The following ALDH1A2 variants were observed in gnomAD, a reference collection of about 807,000 sequenced individuals.
ALDH1A2 encodes retinal dehydrogenase 2.
In ALDH1A2, 27 loss-of-function variants were observed where a neutral mutation model predicts 60.3. That is an observed-to-expected ratio of 0.45 (90% confidence interval 0.33 to 0.62). The LOEUF (loss-of-function observed/expected upper bound fraction) is 0.62. ALDH1A2 is among the 20% of genes least tolerant of loss of function. ALDH1A2 has a pLI of 0.02. For synonymous variants in ALDH1A2, 289 were observed against 232.4 expected (o/e 1.24, Z -2.21); for missense variants, 581 against 643.8 (o/e 0.90, Z 1.06).
intron 4 of ALDH1A2, among the ~76,000 whole-genome samples, chr15:57,996,025 C>A (rs1300208273): frequency 2.0e-5 from 3 of 152,070 alleles, no homozygotes; most frequent in African/African-American, 7.2e-5. Flanking sequence ...CCACTGCCGG[C>A]CCTTAGGCCA....
At chr15:58,008,158 C>T (rs1895518627) in intron 4 of ALDH1A2, among the ~76,000 whole-genome samples, 1 of 152,104 alleles carries the variant, frequency 6.6e-6, no homozygotes, top group Non-Finnish European at 1.5e-5. Flanking sequence ...CAAACTTCAG[C>T]CTCCTGAGAA....
At chr15:57,966,674 G>A (rs1300746128) in intron 7 of ALDH1A2, among the ~76,000 whole-genome samples, 1 of 152,186 alleles carries the variant, frequency 6.6e-6, no homozygotes, top group African/African-American at 2.4e-5. Flanking sequence ...GGCAGGGTTT[G>A]TATAAAGGTC....
chr15:58,050,489 C>A (rs1445799454), intron 1 of ALDH1A2, among the ~76,000 whole-genome samples: 1 of 152,106 alleles, frequency 6.6e-6, no homozygotes, highest in Non-Finnish European at 1.5e-5. Context: ...TTTACTTAAT[C>A]TTCAAATTTC....
chr15:58,024,046 T>A (rs761590424), intron 1 of ALDH1A2, among the ~76,000 whole-genome samples: 1 of 152,070 alleles, frequency 6.6e-6, no homozygotes, highest in Non-Finnish European at 1.5e-5. Flanking sequence ...TGAGCTGAGA[T>A]TGCACCATTG....
chr15:58,013,798 T>A, intron 3 of ALDH1A2, 60 bp downstream of exon 3: 1 of 1,600,560 alleles, frequency 6.2e-7, no homozygotes, highest in Non-Finnish European at 8.5e-7. Context: ...CCGAAGAATG[T>A]AAATTTCAGC....
At chr15:57,968,265 T>G (rs1349643234) in intron 7 of ALDH1A2, among the ~76,000 whole-genome samples, 1 of 152,226 alleles carries the variant, frequency 6.6e-6, no homozygotes, top group Non-Finnish European at 1.5e-5. Flanking sequence ...TGTTAGATAC[T>G]TACAAGCATT....
At chr15:57,982,138 G>T (rs1450207225) in intron 7 of ALDH1A2, among the ~76,000 whole-genome samples, 1 of 152,016 alleles carries the variant, frequency 6.6e-6, no homozygotes, top group African/African-American at 2.4e-5. Flanking sequence ...CTATTGCATT[G>T]TAGATTAAAT....
rs1266673193 is a variant in ALDH1A2 at position 58,054,034 on chromosome 15, A to T, written c.117+11500T>A. Among the ~76,000 whole-genome samples the T allele has an allele frequency of 2.0e-5, 3 of 152,180 alleles. No homozygotes were observed. The South Asian group carries it at 6.2e-4, about 31-fold the overall frequency. On this transcript the variant is annotated intron_variant, in intron 1 of 12. Coordinates refer to ENST00000249750, the MANE Select transcript of ALDH1A2 (RefSeq NM_003888.4). ...TTCTCAGGAGGGCTCCCAGAAGTCA[A>T]ATGTGGTTATTCCAGGTTCATTGCT...
At chr15:57,965,659 G>A (rs374709940) in intron 8 of ALDH1A2, 66 bp downstream of exon 8, 25 of 1,136,670 alleles carry the variant, frequency 2.2e-5, no homozygotes, top group East Asian at 1.9e-4. Context: ...CATCAAAAGT[G>A]GAGATATAAA....
chr15:58,062,516 A>T (rs1179137326), intron 1 of ALDH1A2, among the ~76,000 whole-genome samples: 1 of 152,238 alleles, frequency 6.6e-6, no homozygotes, highest in African/African-American at 2.4e-5. Flanking sequence ...AAATTATAAA[A>T]GTCAGACTAA....
At chr15:58,054,492 A>C (rs1896848532) in intron 1 of ALDH1A2, among the ~76,000 whole-genome samples, 1 of 152,088 alleles carries the variant, frequency 6.6e-6, no homozygotes, top group African/African-American at 2.4e-5. Context: ...CTCCCCACTG[A>C]GATTACAGGT....
chr15:58,054,302 T>C (rs1896844281), intron 1 of ALDH1A2, among the ~76,000 whole-genome samples: 2 of 152,120 alleles, frequency 1.3e-5, no homozygotes, highest in African/African-American at 4.8e-5. Context: ...TCTCTAAAAG[T>C]GAAGTCAGAG....
chr15:58,042,699 T>C (rs1896549060), intron 1 of ALDH1A2, among the ~76,000 whole-genome samples: 1 of 151,906 alleles, frequency 6.6e-6, no homozygotes, highest in Non-Finnish European at 1.5e-5. Context: ...GACAAATAGT[T>C]TTCATCCAGA....
chr15:57,986,721 G>GGAGTGC (rs1240468169), intron 7 of ALDH1A2, among the ~76,000 whole-genome samples: 4 of 152,140 alleles, frequency 2.6e-5, no homozygotes, highest in Non-Finnish European at 5.9e-5. Context: ...CGCCCAGGCT[G>GGAGTGC]GAGTGCGGTG....
intron 7 of ALDH1A2, among the ~76,000 whole-genome samples, chr15:57,966,527 C>A (rs1307180528): frequency 6.6e-6 from 1 of 152,232 alleles, no homozygotes; most frequent in Admixed American, 6.5e-5. Flanking sequence ...AGGCAGAACT[C>A]TACCTCAGTG....
At chr15:58,053,109 G>GA (rs1298935785) in intron 1 of ALDH1A2, among the ~76,000 whole-genome samples, 1 of 151,816 alleles carries the variant, frequency 6.6e-6, no homozygotes, top group Non-Finnish European at 1.5e-5. Flanking sequence ...TTAAGTCCAA[G>GA]AAAAAAATGA....
intron 12 of ALDH1A2, among the ~76,000 whole-genome samples, chr15:57,955,924 T>C (rs2043113778): frequency 6.6e-6 from 1 of 152,188 alleles, no homozygotes; most frequent in African/African-American, 2.4e-5. Flanking sequence ...AAATCACGCA[T>C]GTTCTCCTCT....
chr15:58,032,789 A>AACACACACACAC (rs59226967), intron 1 of ALDH1A2, among the ~76,000 whole-genome samples: 2 of 149,292 alleles, frequency 1.3e-5, no homozygotes, highest in African/African-American at 4.9e-5. Context: ...AGTGCCCCTC[A>AACACACACACAC]ACACACACAC....
chr15:57,963,765 G>A, intron 9 of ALDH1A2, 120 bp downstream of exon 9: 2 of 996,740 alleles, frequency 2.0e-6, no homozygotes, highest in Non-Finnish European at 1.5e-6. Flanking sequence ...AAGACATGGT[G>A]GAGAATAAAG....
Sources: allele counts gnomAD v4.1 joint callset (sites outside exome capture counted in the v4.1 genomes callset), GRCh38; gene constraint gnomAD v4.1.1; transcripts MANE v1.5; gene names NCBI Gene and HGNC (gene_info 2026-07-23, HGNC 2026-07-21).